NTM: variants seen among roughly 807,000 people sequenced by gnomAD.
The protein encoded by NTM is neurotrimin, also known as IgLON family member 2.
Under a neutral mutation model 42.1 loss-of-function variants are expected in NTM, and 13 were observed. That is an observed-to-expected ratio of 0.31 (90% CI 0.20 to 0.49). The LOEUF (loss-of-function observed/expected upper bound fraction) is 0.49. NTM is among the 20% of genes least tolerant of loss of function. The probability of loss-of-function intolerance (pLI) is 0.99; values close to 1 mark genes in which losing one functional copy is unlikely to be tolerated. For missense variants in NTM, 373 were observed against 452.8 expected (o/e 0.82, Z 1.60); for synonymous variants, 187 against 179.2 (o/e 1.04, Z -0.35).
chr11:131,493,054 CA>C (rs202137299), intron 1 of NTM, among the ~76,000 whole-genome samples: 7,271 of 150,888 alleles, frequency 0.048, 568 homozygotes, highest in African/African-American at 0.17. Context: ...TCGTCACTAC[CA>C]AAAAAAAGAA....
chr11:131,756,432 GT>G (rs2135752612), intron 1 of NTM, among the ~76,000 whole-genome samples: 1 of 151,948 alleles, frequency 6.6e-6, no homozygotes, highest in African/African-American at 2.4e-5. Flanking sequence ...GCTGAGGCAG[GT>G]CAATTGCTTG....
At chr11:131,762,859 C>A (rs1387188376) in intron 1 of NTM, among the ~76,000 whole-genome samples, 2 of 152,206 alleles carry the variant, frequency 1.3e-5, no homozygotes, top group Non-Finnish European at 2.9e-5. Context: ...ATGGCTCTGT[C>A]CCCTGCTGGC....
At chr11:131,495,883 A>T (rs1955289935) in intron 1 of NTM, among the ~76,000 whole-genome samples, 1 of 152,192 alleles carries the variant, frequency 6.6e-6, no homozygotes, top group African/African-American at 2.4e-5. Context: ...GGTGGGATGG[A>T]TTTGCTAGCA....
intron 1 of NTM, among the ~76,000 whole-genome samples, chr11:131,763,086 AG>A (rs753196177): frequency 1.3e-5 from 2 of 152,174 alleles, no homozygotes; most frequent in Non-Finnish European, 2.9e-5. Context: ...TCTTTAGAGC[AG>A]GGGCTGGTTT....
chr11:131,760,221 T>C (rs1591651412), intron 1 of NTM, among the ~76,000 whole-genome samples: 1 of 151,640 alleles, frequency 6.6e-6, no homozygotes, highest in African/African-American at 2.4e-5. Context: ...GAGAAATGAG[T>C]TTTTCCGGAA....
Position 131,451,262 on chromosome 11 carries a change from C to T in NTM, c.82+80374C>T, listed in dbSNP as rs147193780. Among the ~76,000 whole-genome samples, 416 of 152,210 alleles carry T rather than the reference C, an allele frequency of 2.7e-3. 3 individuals are homozygous for T. Among genetic ancestry groups the T allele is most frequent in the African/African-American group, 9.2e-3 (383 of 41,534 alleles). On this transcript the variant is annotated intron_variant, in intron 1 of 8. Transcript: ENST00000683400. ...TATGACATATAGAGGCTTAGATTTT[C>T]GAGCTTAGCCAGGAAACCAAGCATA...
At chr11:132,074,032 A>T (rs2058049183) in intron 2 of NTM, among the ~76,000 whole-genome samples, 1 of 152,322 alleles carries the variant, frequency 6.6e-6, no homozygotes, top group Admixed American at 6.5e-5. Context: ...TTGGCTGAGG[A>T]TGAGTCTTGA....
chr11:131,628,628 G>C (rs2063353211), intron 1 of NTM, among the ~76,000 whole-genome samples: 1 of 152,238 alleles, frequency 6.6e-6, no homozygotes, highest in African/African-American at 2.4e-5. Context: ...CTCACTCCCA[G>C]TACTAATTAT....
At chr11:131,655,520 G>A (rs1327761931) in intron 1 of NTM, among the ~76,000 whole-genome samples, 2 of 152,192 alleles carry the variant, frequency 1.3e-5, no homozygotes, top group Non-Finnish European at 2.9e-5. Flanking sequence ...TCTCTGGCTC[G>A]GTTGTTTCTG....
chr11:131,839,784 T>A (rs2043990870), intron 1 of NTM, among the ~76,000 whole-genome samples: 1 of 152,222 alleles, frequency 6.6e-6, no homozygotes, highest in African/African-American at 2.4e-5. Flanking sequence ...GTATGGAAAC[T>A]GTTGTATGAA....
At chr11:131,727,085 G>T (rs961535986) in intron 1 of NTM, among the ~76,000 whole-genome samples, 22 of 151,328 alleles carry the variant, frequency 1.5e-4, no homozygotes, top group African/African-American at 5.2e-4. Context: ...CCTCTCTGTT[G>T]CCTCCTAACA....
At chr11:132,081,703 G>A (rs1463273637) in intron 2 of NTM, among the ~76,000 whole-genome samples, 6 of 149,728 alleles carry the variant, frequency 4.0e-5, no homozygotes, top group Admixed American at 6.7e-5. Flanking sequence ...CAGCCTGGGC[G>A]ATAGAGCGAG....
intron 1 of NTM, among the ~76,000 whole-genome samples, chr11:131,761,593 C>A (rs2084186663): frequency 6.6e-6 from 1 of 152,064 alleles, no homozygotes; most frequent in Non-Finnish European, 1.5e-5. Flanking sequence ...CACCTGAGGT[C>A]GGGAGTTGGA....
chr11:132,118,046 T>A (rs915364442), intron 2 of NTM, among the ~76,000 whole-genome samples: 1 of 152,242 alleles, frequency 6.6e-6, no homozygotes, highest in African/African-American at 2.4e-5. Flanking sequence ...CTCCATGTCA[T>A]AGTAGATTAA....
intron 1 of NTM, among the ~76,000 whole-genome samples, chr11:131,902,544 G>A (rs2053325854): frequency 1.3e-5 from 2 of 152,172 alleles, no homozygotes; most frequent in South Asian, 4.1e-4. Flanking sequence ...GTGCAGCCTT[G>A]ATGCATTGGT....
At chr11:131,993,038 G>A (rs1202742712) in intron 2 of NTM, among the ~76,000 whole-genome samples, 1 of 152,082 alleles carries the variant, frequency 6.6e-6, no homozygotes, top group Non-Finnish European at 1.5e-5. Flanking sequence ...TCTAGGGCAG[G>A]GTCTGAGAAC....
At chr11:131,824,460 G>T (rs1330019347) in intron 1 of NTM, among the ~76,000 whole-genome samples, 1 of 152,208 alleles carries the variant, frequency 6.6e-6, no homozygotes, top group Non-Finnish European at 1.5e-5. Flanking sequence ...ATAATAAAAG[G>T]TAATGCGGCA....
At chr11:131,522,326 G>A (rs1565596241) in intron 1 of NTM, among the ~76,000 whole-genome samples, 1 of 148,054 alleles carries the variant, frequency 6.8e-6, no homozygotes. Context: ...GTGACCAAAT[G>A]CATTGCTAAC....
At chr11:131,751,653 G>A (rs1188762010) in intron 1 of NTM, among the ~76,000 whole-genome samples, 1 of 151,624 alleles carries the variant, frequency 6.6e-6, no homozygotes, top group Non-Finnish European at 1.5e-5. Context: ...CTAGCTACTC[G>A]AGAGGCTGAG....
Sources: allele counts gnomAD v4.1 joint callset (sites outside exome capture counted in the v4.1 genomes callset), GRCh38; gene constraint gnomAD v4.1.1; transcripts MANE v1.5; gene names NCBI Gene and HGNC (gene_info 2026-07-23, HGNC 2026-07-21).